Variants in DDX1 observed in about 807,000 individuals in gnomAD.
The protein encoded by DDX1 is ATP-dependent RNA helicase DDX1.
DDX1 carries 28 observed loss-of-function variants against 108.7 expected under a neutral mutation model. The observed-to-expected ratio is 0.26, with a 90% CI of 0.19 to 0.35. The LOEUF is 0.35. DDX1 is among the 10% of genes least tolerant of loss of function. DDX1 has a pLI of 1.00. For synonymous variants in DDX1, 295 were observed against 288.9 expected, an observed-to-expected ratio of 1.02 and a Z score of -0.21; for missense variants, 710 against 884.5, an observed-to-expected ratio of 0.80 and a Z score of 2.50.
intron 1 of DDX1, among the ~76,000 whole-genome samples, chr2:15,594,648 G>A (rs1235210812): frequency 3.3e-5 from 5 of 152,102 alleles, no homozygotes; most frequent in Admixed American, 2.0e-4. Flanking sequence ...GTGGGTGCTC[G>A]CCACTTGTCT....
intron 4 of DDX1, among the ~76,000 whole-genome samples, chr2:15,597,159 A>G (rs80082614): frequency 0.019 from 2,821 of 152,224 alleles, 95 homozygotes; most frequent in African/African-American, 0.063. Context: ...CCATTGTTCT[A>G]TCTTTTTGTG....
intron 10 of DDX1, among the ~76,000 whole-genome samples, chr2:15,605,232 AG>A (rs1389073653): frequency 6.6e-6 from 1 of 152,008 alleles, no homozygotes; most frequent in African/African-American, 2.4e-5. Context: ...GAGATTGCCT[AG>A]GGATTGAGGG....
rs544532665 is a variant in DDX1, at chr2:15,620,931, G to T, written c.1396-134G>T. Reference sequence around the variant, plus strand: ...AATCTGAAGAATGATTTTGCCTACAGATTATATTATGAAGACATATATCTG... The same window carrying T: ...AATCTGAAGAATGATTTTGCCTACATATTATATTATGAAGACATATATCTG... On this transcript the variant is annotated intron_variant, in intron 17 of 25. Coordinates refer to ENST00000233084, the MANE Select transcript of DDX1 (RefSeq NM_004939.3). 41 of 560,806 alleles carry T rather than the reference G, an allele frequency of 7.3e-5. No homozygotes were observed. In the South Asian group the frequency reaches 1.3e-3, roughly 17 times the overall value. 34.7% of individuals were successfully genotyped at this position (560,806 alleles called of 1,614,324 possible). A position where few individuals can be genotyped will look rare whatever the true frequency, so the allele number is the denominator to read the frequency against.
intron 19 of DDX1, 68 bp from the exon 20 acceptor site, chr2:15,626,986 T>C: frequency 2.0e-6 from 2 of 976,808 alleles, no homozygotes. Context: ...CTGAATTTTA[T>C]TGGCTTTTTT....
At chr2:15,617,148 C>A in intron 14 of DDX1, 96 bp from the exon 15 acceptor site, 1 of 511,642 alleles carries the variant, frequency 2.0e-6, no homozygotes, top group East Asian at 3.2e-5. Flanking sequence ...CTTCAATATG[C>A]ATGTTTTTAT....
At position 15,599,618 on chromosome 2, in the gene DDX1, T is replaced by G; in HGVS notation, c.260-51T>G. ...GTGAGTCACCGCACCCGGCCAAGCA[T>G]TTTAAATTTTATATATCTGTGGGTA... On this transcript the variant is annotated intron_variant, in intron 5 of 25. Coordinates refer to ENST00000233084, the MANE Select transcript of DDX1 (RefSeq NM_004939.3). 3.5e-6 allele frequency: 5 copies of G among 1,441,084 alleles called. No individual in the cohort carries two copies. In the South Asian group the frequency reaches 3.7e-5, roughly 11 times the overall value. The allele number at this position is 1,441,084 out of a possible 1,614,324, so 89.3% of individuals were successfully genotyped here. A position where few individuals can be genotyped will look rare whatever the true frequency, so the allele number is the denominator to read the frequency against.
At chr2:15,619,860 G>C (rs1454165064) in intron 16 of DDX1, among the ~76,000 whole-genome samples, 1 of 152,204 alleles carries the variant, frequency 6.6e-6, no homozygotes. Context: ...TGTCTTCTCT[G>C]TAGTTATATC....
At chr2:15,592,442 C>T (rs1057355796) in intron 1 of DDX1, among the ~76,000 whole-genome samples, 5 of 152,156 alleles carry the variant, frequency 3.3e-5, no homozygotes, top group African/African-American at 7.2e-5. Context: ...CCAAAACGTC[C>T]CAGGCATAAA....
At chr2:15,624,808 A>G (rs1666072249) in intron 19 of DDX1, among the ~76,000 whole-genome samples, 1 of 151,696 alleles carries the variant, frequency 6.6e-6, no homozygotes, top group Admixed American at 6.6e-5. Context: ...TACAACACCG[A>G]ATTTTGGCTG....
At chr2:15,618,674 C>G (rs76860840) in intron 16 of DDX1, among the ~76,000 whole-genome samples, 18,489 of 152,284 alleles carry the variant, frequency 0.12, 1,533 homozygotes, top group East Asian at 0.37. Flanking sequence ...GGGACTAGCC[C>G]CCTTCCGCCC....
intron 1 of DDX1, 36 bp from the exon 2 acceptor site, chr2:15,595,109 G>C: frequency 6.6e-7 from 1 of 1,526,712 alleles, no homozygotes; most frequent in Non-Finnish European, 9.0e-7. Context: ...TATCATTTCA[G>C]TTTATGTGGT....
At position 15,631,010 on chromosome 2, in the gene DDX1, C is replaced by A; in HGVS notation, c.*104C>A. The A allele has an allele frequency of 1.9e-6, 2 of 1,045,546 alleles. No homozygotes were observed. The highest frequency in any genetic ancestry group is 2.1e-5 in the South Asian group (1 of 46,598). The allele number at this position is 1,045,546 out of a possible 1,614,324, so 64.8% of individuals were successfully genotyped here. On this transcript the variant is annotated 3_prime_UTR_variant, in exon 26 of 26. Transcript: ENST00000233084. ...GCAGCAGTATTTATAGTAACGTAAG[C>A]TATTAATGCTAACTCTTGCATGTCA...
At chr2:15,605,876 T>G in intron 10 of DDX1, 74 bp from the exon 11 acceptor site, 1 of 1,016,250 alleles carries the variant, frequency 9.8e-7, no homozygotes, top group Non-Finnish European at 1.4e-6. Flanking sequence ...GGTAAGCTGG[T>G]AGATTTGACA....
chr2:15,600,208 G>T (rs1001769160), intron 6 of DDX1, among the ~76,000 whole-genome samples: 2 of 152,176 alleles, frequency 1.3e-5, no homozygotes, highest in Non-Finnish European at 2.9e-5. Flanking sequence ...CCTTCTTGGG[G>T]TTAACAGACC....
chr2:15,613,306 T>C (rs760732743), intron 14 of DDX1, 22 bp downstream of exon 14: 67 of 1,557,398 alleles, frequency 4.3e-5, no homozygotes, highest in Middle Eastern at 1.8e-4. Context: ...TTTTAATTTT[T>C]AAAACATAAT....
At chr2:15,621,647 C>A (rs1349014356) in intron 18 of DDX1, among the ~76,000 whole-genome samples, 1 of 150,988 alleles carries the variant, frequency 6.6e-6, no homozygotes, top group African/African-American at 2.4e-5. Flanking sequence ...GCATCTAAAT[C>A]ACTTTTTTTT....
At chr2:15,630,259 T>G in intron 25 of DDX1, 149 bp downstream of exon 25, 1 of 769,246 alleles carries the variant, frequency 1.3e-6, no homozygotes, top group Non-Finnish European at 2.1e-6. Flanking sequence ...TCATAGTACT[T>G]TGTCCATACC....
At chr2:15,611,715 C>G (rs867646726) in intron 13 of DDX1, among the ~76,000 whole-genome samples, 1 of 91,122 alleles carries the variant, frequency 1.1e-5, no homozygotes, top group African/African-American at 5.8e-5. Context: ...CCCTCCCGGA[C>G]GGGGCGACTG....
rs1330767984 is a variant in DDX1, at chr2:15,617,261, T to G, written c.1035T>G (p.Gly345=). ...TTTTTCAGGTAGATATAGTTGTAGG[T>G]ACTCCGGGAAGACTAGATGACTTGG... is the stretch of plus-strand genomic sequence containing the variant. ...VLENGVDIVV[G]TPGRLDDLVS... The change falls in exon 15 of 26, where the codon GGT becomes GGG. Residue 345 remains glycine (G), a synonymous_variant. Transcript: ENST00000233084. 1 of 1,587,190 alleles carries G rather than the reference T, an allele frequency of 6.3e-7. No homozygotes were observed. The highest frequency in any genetic ancestry group is 8.6e-7 in the Non-Finnish European group (1 of 1,163,430).
Sources: allele counts gnomAD v4.1 joint callset (sites outside exome capture counted in the v4.1 genomes callset), GRCh38; gene constraint gnomAD v4.1.1; transcripts MANE v1.5; gene names NCBI Gene and HGNC (gene_info 2026-07-23, HGNC 2026-07-21).